The following PRDM1 variants were observed in gnomAD, a reference collection of about 807,000 sequenced individuals.
PRDM1 encodes PR domain zinc finger protein 1.
A neutral mutation model predicts 62.8 loss-of-function variants in PRDM1; 13 were observed. The ratio of observed to expected loss-of-function variants is 0.21; its 90% confidence interval spans 0.13 to 0.33. The LOEUF (loss-of-function observed/expected upper bound fraction) is 0.33, where lower values mean the gene tolerates loss of function less well. PRDM1 is among the 10% of genes least tolerant of loss of function. The pLI is 1.00. For missense variants in PRDM1, 895 were observed against 1,058.8 expected (o/e 0.85, Z 2.15); for synonymous variants, 396 against 417.6 (o/e 0.95, Z 0.63).
chr6:106,068,102 T>G (rs989503045), intron 1 of PRDM1, among the ~76,000 whole-genome samples: 5 of 152,020 alleles, frequency 3.3e-5, no homozygotes, highest in African/African-American at 1.2e-4. Flanking sequence ...TGTTCTTTTT[T>G]TTTTTTGAGA....
At chr6:106,098,616 G>C (rs1043875654) in intron 3 of PRDM1, 1 of 1,320,026 alleles carries the variant, frequency 7.6e-7, no homozygotes, top group Non-Finnish European at 1.0e-6. Context: ...AAGAGGAAAA[G>C]TGACTTCTCA....
At position 106,105,117 on chromosome 6, in the gene PRDM1, G is replaced by C. The variant is rs757407485; in HGVS notation, c.957G>C (p.Glu319Asp). The C allele has an allele frequency of 1.9e-6, 3 of 1,613,964 alleles. No homozygotes were observed. Among genetic ancestry groups the C allele is most frequent in the Non-Finnish European group, 2.5e-6 (3 of 1,180,002 alleles). Residue 319 changes from glutamate (E) to aspartate (D), a missense_variant, in exon 5 of 7, where the codon GAG (glutamate) becomes GAC (aspartate). Physicochemically the swap from Glu to Asp is conservative, Grantham distance 45. Transcript: ENST00000369096. ...FLKASLAYGI[E>D]RPTYITRSPI... The stretch of plus-strand genomic sequence containing the variant: ...AAGCTTCCCTGGCCTACGGGATCGA[G>C]AGACCCACGTACATCACTCGCTCCC...
At chr6:106,102,471 G>A (rs1351344972) in intron 4 of PRDM1, among the ~76,000 whole-genome samples, 1 of 152,184 alleles carries the variant, frequency 6.6e-6, no homozygotes, top group African/African-American at 2.4e-5. Flanking sequence ...TTTTCTGAAG[G>A]CATTAGAGAT....
At chr6:106,029,668 C>T (rs1166483514) in intron 1 of PRDM1, among the ~76,000 whole-genome samples, 1 of 151,986 alleles carries the variant, frequency 6.6e-6, no homozygotes, top group East Asian at 1.9e-4. Context: ...TGCAGAGGCA[C>T]CATCATGGCT....
rs1773867378 is a variant in PRDM1 at position 106,088,340 on chromosome 6, T to C, written c.182T>C (p.Ile61Thr). 1 of 1,614,108 alleles carries C rather than the reference T, an allele frequency of 6.2e-7. No individual in the cohort carries two copies. Among genetic ancestry groups the C allele is most frequent in the South Asian group, 1.1e-5 (1 of 91,072 alleles). The change falls in exon 2 of 7, where the codon ATT becomes ACT. Residue 61 changes from isoleucine (I) to threonine (T), a missense_variant. By Grantham distance (89) the Ile-to-Thr change is moderately conservative. Coordinates refer to ENST00000369096, the MANE Select transcript of PRDM1 (RefSeq NM_001198.4). The part of the protein sequence containing the change: ...EAEFEEKCTY[I>T]VNDHPWDSGA... ...GAGTTTGAAGAGAAGTGTACATACA[T>C]TGTGAACGACCACCCCTGGGATTCT... is the stretch of plus-strand genomic sequence containing the variant.
rs531488985 is a variant in PRDM1, at chr6:106,105,307, A to G, written c.1147A>G (p.Thr383Ala). The change falls in exon 5 of 7, where the codon ACG (threonine) becomes GCG (alanine). Residue 383 changes from threonine to alanine, a missense_variant. Physicochemically the swap from Thr to Ala is moderately conservative, Grantham distance 58. Transcript: ENST00000369096. ...SYAYLNASYG[T>A]EGLGSYPGYA... ...CGCTTACTTGAACGCGTCCTACGGC[A>G]CGGAAGGTTTGGGCTCCTACCCTGG... The G allele has an allele frequency of 2.5e-6, 4 of 1,613,352 alleles. No homozygotes were observed. In the South Asian group the frequency reaches 4.4e-5, roughly 18 times the overall value.
chr6:105,993,239 T>A (rs962359236), upstream of PRDM1, among the ~76,000 whole-genome samples: 3 of 152,194 alleles, frequency 2.0e-5, no homozygotes, highest in African/African-American at 7.2e-5. Flanking sequence ...TTGGGTTAGG[T>A]TCTCTTACAA....
intron 1 of PRDM1, among the ~76,000 whole-genome samples, chr6:106,006,955 A>G (rs192253610): frequency 5.9e-5 from 9 of 152,130 alleles, no homozygotes; most frequent in African/African-American, 2.2e-4. Context: ...GTACTAAGAC[A>G]TGGCAACACA....
intron 1 of PRDM1, among the ~76,000 whole-genome samples, chr6:106,077,207 C>T (rs748451448): frequency 5.9e-5 from 9 of 152,192 alleles, no homozygotes; most frequent in Non-Finnish European, 8.8e-5. Flanking sequence ...CTACAGTGCT[C>T]CCTTCACAGA....
intron 2 of PRDM1, among the ~76,000 whole-genome samples, chr6:106,095,170 G>A (rs1582467175): frequency 6.6e-6 from 1 of 152,074 alleles, no homozygotes; most frequent in Admixed American, 6.5e-5. Context: ...TCTGAGGTCA[G>A]AACTATTTTA....
At chr6:106,038,878 T>A (rs891120015) in intron 1 of PRDM1, among the ~76,000 whole-genome samples, 6 of 152,164 alleles carry the variant, frequency 3.9e-5, no homozygotes, top group Admixed American at 1.3e-4. Flanking sequence ...GAGACAAATT[T>A]TGCCAGTGTG....
chr6:106,010,632 T>C (rs1772533583), intron 1 of PRDM1, among the ~76,000 whole-genome samples: 1 of 152,204 alleles, frequency 6.6e-6, no homozygotes, highest in Non-Finnish European at 1.5e-5. Flanking sequence ...AGTTTTCTTT[T>C]TAAACTTACT....
upstream of PRDM1, chr6:106,086,208 G>T: frequency 5.8e-6 from 2 of 344,058 alleles, no homozygotes; most frequent in Non-Finnish European, 1.0e-5. Flanking sequence ...GCTCTCGGCG[G>T]CTGTGCTAGC....
rs1352662130 is a variant in PRDM1 at position 106,099,749 on chromosome 6, A to G, written c.664+197A>G. ...TTAGGAAACTTGATCATTTAAAAGT[A>G]TATATATATATGAGGAGCTACCTTG... On this transcript the variant is annotated intron_variant, in intron 4 of 6. Transcript: ENST00000369096. 8 of 591,620 alleles carry G rather than the reference A, an allele frequency of 1.4e-5. No individual in the cohort carries two copies. The Admixed American group carries it at 2.0e-4, about 15-fold the overall frequency. The allele number at this position is 591,620 out of a possible 1,614,324, so 36.6% of individuals were successfully genotyped here. A position where few individuals can be genotyped will look rare whatever the true frequency, so the allele number is the denominator to read the frequency against.
At chr6:106,083,379 T>C (rs979201432), upstream of PRDM1, among the ~76,000 whole-genome samples, 1 of 151,902 alleles carries the variant, frequency 6.6e-6, no homozygotes, top group African/African-American at 2.4e-5. Flanking sequence ...TTTTTTACCT[T>C]AGGAAAAAAA....
intron 1 of PRDM1, among the ~76,000 whole-genome samples, chr6:106,017,856 G>A (rs954371295): frequency 6.6e-6 from 1 of 152,162 alleles, no homozygotes; most frequent in African/African-American, 2.4e-5. Flanking sequence ...ATAAAGCCTG[G>A]GGTGGGCTGA....
intron 1 of PRDM1, among the ~76,000 whole-genome samples, chr6:106,024,112 A>C (rs1772733801): frequency 6.6e-6 from 1 of 151,886 alleles, no homozygotes; most frequent in East Asian, 1.9e-4. Flanking sequence ...AGTGCACTCC[A>C]GCCTGGGTGA....
chr6:106,046,235 C>T (rs1027380638), upstream of PRDM1: 15 of 152,066 alleles, frequency 9.9e-5, no homozygotes, highest in East Asian at 1.2e-3. Flanking sequence ...ATACTCAAGC[C>T]GAGTGGAGGG....
At chr6:106,104,716 G>T in intron 4 of PRDM1, 109 bp from the exon 5 acceptor site, 1 of 1,329,234 alleles carries the variant, frequency 7.5e-7, no homozygotes, top group Non-Finnish European at 1.0e-6. Flanking sequence ...TGTGGCGATT[G>T]TGTCGCCAGC....
Sources: gnomAD v4.1 joint callset for allele counts (sites outside exome capture counted in the v4.1 genomes callset) on GRCh38, gnomAD v4.1.1 for gene constraint, MANE v1.5 for transcripts, NCBI Gene and HGNC (gene_info 2026-07-23, HGNC 2026-07-21) for gene names.